TPCN1: variants seen among roughly 807,000 people sequenced by gnomAD.
TPCN1 encodes two pore segment channel 1.
Under a neutral mutation model 108.8 loss-of-function variants are expected in TPCN1, and 52 were observed. The observed-to-expected ratio is 0.48, with a 90% CI of 0.38 to 0.60. The LOEUF (loss-of-function observed/expected upper bound fraction) is 0.60, where lower values mean the gene tolerates loss of function less well. Among genes scored for constraint, TPCN1 ranks in the 20% least tolerant of loss-of-function variants. The probability of loss-of-function intolerance (pLI) is 0.00; values close to 1 mark genes in which losing one functional copy is unlikely to be tolerated. For synonymous variants in TPCN1, 446 were observed against 433.7 expected (o/e 1.03, Z -0.35); for missense variants, 806 against 1,072.8 (o/e 0.75, Z 3.47).
rs780587604 is a variant in TPCN1, at chr12:113,293,366, C to A, written c.2334+17C>A. 1.2e-6 allele frequency: 2 copies of A among 1,612,512 alleles called. No homozygotes were observed. Among genetic ancestry groups the A allele is most frequent in the Non-Finnish European group, 8.5e-7 (1 of 1,179,024 alleles). On this transcript the variant is annotated intron_variant, in intron 27 of 27. Transcript: ENST00000335509. ...GAGATCCAGGTAGGAGCCTGGCCGA[C>A]CACGCTGCGAATCCTCCCCCAAGCT... is the stretch of plus-strand genomic sequence containing the variant.
rs1189707201 is a variant in TPCN1 at position 113,269,003 on chromosome 12, C to T, written c.659+131C>T. ...CATGCTGGTGGAGTACACGCAGACT[C>T]ACTCTCCCTCTGCCATTCCATCCAC... On this transcript the variant is annotated intron_variant, in intron 6 of 27. Transcript: ENST00000335509. The surrounding 1 kb of genome is among the most constrained non-coding windows in gnomAD (Gnocchi z 5.0). 2 of 1,023,558 alleles carry T rather than the reference C, an allele frequency of 2.0e-6. No individual in the cohort carries two copies. Among genetic ancestry groups the T allele is most frequent in the Admixed American group, 4.1e-5 (2 of 48,742 alleles). The allele number at this position is 1,023,558 out of a possible 1,614,324, so 63.4% of individuals were successfully genotyped here. A position where few individuals can be genotyped will look rare whatever the true frequency, so the allele number is the denominator to read the frequency against.
At chr12:113,244,775 G>A (rs1464385765) in intron 2 of TPCN1, 1 of 985,018 alleles carries the variant, frequency 1.0e-6, no homozygotes, top group Non-Finnish European at 1.2e-6. Flanking sequence ...TGAGATGCTG[G>A]GAGCACGGTT....
intron 2 of TPCN1, among the ~76,000 whole-genome samples, chr12:113,236,392 A>G (rs1953896263): frequency 6.6e-6 from 1 of 152,224 alleles, no homozygotes; most frequent in South Asian, 2.1e-4. Context: ...CTGACGGTAC[A>G]GCCCTTTGGC....
rs376383692 is a variant in TPCN1, at chr12:113,296,082, C to A, written c.*6C>A. On this transcript the variant is annotated 3_prime_UTR_variant, in exon 28 of 28. Transcript: ENST00000335509. ...GCTCCCAGACCGTTACCTAGCCCAG[C>A]GCCCGAAAGCCGTCTCTTCTATGCA... The A allele has an allele frequency of 1.2e-6, 2 of 1,612,146 alleles. No homozygotes were observed. The highest frequency in any genetic ancestry group is 2.2e-5 in the South Asian group (2 of 90,992).
At position 113,284,972 on chromosome 12, in the gene TPCN1, C is replaced by T. The variant is rs532423371; in HGVS notation, c.1453+201C>T. Among the ~76,000 whole-genome samples, 17 of 152,320 alleles carry T rather than the reference C, an allele frequency of 1.1e-4. No homozygotes were observed. Among genetic ancestry groups the T allele is most frequent in the African/African-American group, 4.1e-4 (17 of 41,566 alleles). ...CTCTGGATGGAGCCCAGATCCTAGG[C>T]GTGTGTGACCCTCCACTCGGCTCTG... On this transcript the variant is annotated intron_variant, in intron 17 of 27. Coordinates refer to ENST00000335509, the MANE Select transcript of TPCN1 (RefSeq NM_017901.6). This position sits in a 1 kb window ranked among gnomAD's most constrained non-coding sequence, Gnocchi z 4.1.
At position 113,296,915 on chromosome 12, in the gene TPCN1, G is replaced by T. The variant is rs774941035; in HGVS notation, c.*839G>T. 3.3e-5 allele frequency: 5 copies of T among 152,264 alleles called. No homozygotes were observed. The highest frequency in any genetic ancestry group is 2.6e-4 in the Admixed American group (4 of 15,284). The allele number at this position is 152,264 out of a possible 1,614,324, so 9.4% of individuals were successfully genotyped here. ...AAATCCCTTTTTTTGCGATTTACCC[G>T]TTCAAGCAAAACAACGTTTTGGTTA... is the stretch of plus-strand genomic sequence containing the variant. On this transcript the variant is annotated 3_prime_UTR_variant, in exon 28 of 28. Transcript: ENST00000335509.
At chr12:113,225,434 A>C (rs1953434304) in intron 1 of TPCN1, 1 of 310,026 alleles carries the variant, frequency 3.2e-6, no homozygotes, top group Middle Eastern at 4.1e-4. Flanking sequence ...TATTGGCCCT[A>C]ATGTCACTCT....
In TPCN1 at chr12:113,289,963, G is replaced by A; in HGVS notation, c.1797-165G>A. 1 of 569,164 alleles carries A rather than the reference G, an allele frequency of 1.8e-6. No homozygotes were observed. The highest frequency in any genetic ancestry group is 3.1e-6 in the Non-Finnish European group (1 of 320,680). 35.3% of individuals were successfully genotyped at this position (569,164 alleles called of 1,614,324 possible). Reference sequence around the variant, plus strand: ...AGGAATAGCCAAGGGCATTCCTTCAGCAGGGACCCAGGCATGAGGTGGAGA... The same window carrying A: ...AGGAATAGCCAAGGGCATTCCTTCAACAGGGACCCAGGCATGAGGTGGAGA... On this transcript the variant is annotated intron_variant, in intron 21 of 27. Transcript: ENST00000335509. The surrounding 1 kb of genome is among the most constrained non-coding windows in gnomAD (Gnocchi z 4.1).
intron 10 of TPCN1, among the ~76,000 whole-genome samples, chr12:113,274,225 G>A (rs1955598524): frequency 6.6e-6 from 1 of 152,150 alleles, no homozygotes; most frequent in Admixed American, 6.5e-5. Context: ...GGCCAAGGTG[G>A]GTGGATCATT....
intron 3 of TPCN1, among the ~76,000 whole-genome samples, chr12:113,263,800 G>C (rs1232659970): frequency 6.6e-6 from 1 of 152,226 alleles, no homozygotes; most frequent in Non-Finnish European, 1.5e-5. Context: ...GGAGCGGAGA[G>C]CAAAGGCCTA....
At chr12:113,237,929 G>A (rs186578273) in intron 2 of TPCN1, among the ~76,000 whole-genome samples, 10 of 152,322 alleles carry the variant, frequency 6.6e-5, no homozygotes, top group South Asian at 4.1e-4. Flanking sequence ...CAGAAAGTAC[G>A]TTGAAGTTCC....
Position 113,293,466 on chromosome 12 carries a change from C to T in TPCN1, c.2334+117C>T, listed in dbSNP as rs562892083. 8.3e-5 allele frequency: 82 copies of T among 992,968 alleles called. No individual in the cohort carries two copies. The Middle Eastern group carries it at 4.1e-3, about 49-fold the overall frequency. 61.5% of individuals were successfully genotyped at this position (992,968 alleles called of 1,614,324 possible). On this transcript the variant is annotated intron_variant, in intron 27 of 27. Transcript: ENST00000335509. ...AGAAGGCTGGTAGAGAGATGCAGAC[C>T]GTCCATCGGGACCACTGCTGGGGTT...
intron 10 of TPCN1, among the ~76,000 whole-genome samples, chr12:113,275,577 CTT>C (rs527980636): frequency 1.1e-4 from 15 of 140,154 alleles, no homozygotes; most frequent in Non-Finnish European, 7.8e-5. Context: ...AAAATATTTC[CTT>C]TTTTTTTTTT....
In TPCN1 at chr12:113,226,738, T is replaced by C; in HGVS notation, c.-115T>C. On this transcript the variant is annotated 5_prime_UTR_variant, in exon 2 of 28. Transcript: ENST00000335509. ...ATTCCCAAACCCTAGAAGATGCCTC[T>C]AATGGAGGAGTTTCTGAGCAGCACC... The C allele has an allele frequency of 6.4e-7, 1 of 1,567,866 alleles. No homozygotes were observed. Among genetic ancestry groups the C allele is most frequent in the Non-Finnish European group, 8.7e-7 (1 of 1,155,648 alleles).
At chr12:113,246,574 A>G (rs1050186974) in intron 2 of TPCN1, among the ~76,000 whole-genome samples, 5 of 151,976 alleles carry the variant, frequency 3.3e-5, no homozygotes, top group African/African-American at 9.7e-5. Context: ...CCTCCCTCCT[A>G]TGTCCGGCCC....
At chr12:113,244,498 G>C (rs1954271876) in intron 2 of TPCN1, 5 of 985,308 alleles carry the variant, frequency 5.1e-6, no homozygotes, top group Non-Finnish European at 3.6e-6. Flanking sequence ...TGTGCATTTT[G>C]CTTTCTTTCG....
chr12:113,247,842 G>A (rs562032992), intron 2 of TPCN1, among the ~76,000 whole-genome samples: 9 of 152,288 alleles, frequency 5.9e-5, no homozygotes, highest in African/African-American at 1.2e-4. Context: ...CCCTCTCTCC[G>A]TGTGGAGAAA....
Position 113,269,918 on chromosome 12 carries a change from CTGGCTCAG to C in TPCN1, c.748+81_748+88del. 1 of 1,521,668 alleles carries C rather than the reference CTGGCTCAG, an allele frequency of 6.6e-7. No homozygotes were observed. The highest frequency in any genetic ancestry group is 9.1e-7 in the Non-Finnish European group (1 of 1,102,936). The allele number at this position is 1,521,668 out of a possible 1,614,324, so 94.3% of individuals were successfully genotyped here. A position where few individuals can be genotyped will look rare whatever the true frequency, so the allele number is the denominator to read the frequency against. On this transcript the variant is annotated intron_variant, in intron 7 of 27. Coordinates refer to ENST00000335509, the MANE Select transcript of TPCN1 (RefSeq NM_017901.6). This position sits in a 1 kb window ranked among gnomAD's most constrained non-coding sequence, Gnocchi z 5.0. ...CGGTGGATGAAAAATTATTTTGGGC[CTGGCTCAG>C]TGGCTCACGCCTGTAATCCTAGCAT...
At position 113,287,122 on chromosome 12, in the gene TPCN1, G is replaced by A. The variant is rs774521012; in HGVS notation, c.1634+28G>A. 3.4e-5 allele frequency: 54 copies of A among 1,573,924 alleles called. No individual in the cohort carries two copies. The South Asian group carries it at 5.7e-4, about 16-fold the overall frequency. ...GATGGGCAGGGCAGAGCCGGAGACAGGGAGAAAGAGAGGGAGGACGGGAAT... is the reference window on the plus strand; with the variant it reads ...GATGGGCAGGGCAGAGCCGGAGACAAGGAGAAAGAGAGGGAGGACGGGAAT... On this transcript the variant is annotated intron_variant, in intron 19 of 27. Transcript: ENST00000335509.
Sources: allele counts gnomAD v4.1 joint callset (sites outside exome capture counted in the v4.1 genomes callset), GRCh38; gene constraint gnomAD v4.1.1; non-coding constraint Gnocchi (gnomAD v3.1); transcripts MANE v1.5; gene names NCBI Gene and HGNC (gene_info 2026-07-23, HGNC 2026-07-21).